TMEM30B: variants seen among roughly 807,000 people sequenced by gnomAD.
The protein encoded by TMEM30B is cell cycle control protein 50B.
In TMEM30B, 25 loss-of-function variants were observed where a neutral mutation model predicts 27.9. The observed-to-expected ratio is 0.89, with a 90% CI of 0.65 to 1.25. The LOEUF (loss-of-function observed/expected upper bound fraction) is 1.25, where lower values mean the gene tolerates loss of function less well. TMEM30B is among the 50% of genes most tolerant of loss of function. The pLI, the probability that TMEM30B is intolerant of heterozygous loss-of-function variation, is 0.00. For synonymous variants in TMEM30B, 248 were observed against 238.5 expected (o/e 1.04, Z -0.37); for missense variants, 536 against 506.5 (o/e 1.06, Z -0.56).
rs2045220514 is a variant in TMEM30B, at chr14:61,278,061, A to T, written c.*2031T>A. On this transcript the variant is annotated 3_prime_UTR_variant, in exon 1 of 1. Transcript: ENST00000555868. Reference sequence around the variant, plus strand: ...GAACCATATTCGTTAATTTAACCAGAATCAGAATACTTTAACTTTCATAGT... The same window carrying T: ...GAACCATATTCGTTAATTTAACCAGTATCAGAATACTTTAACTTTCATAGT... 1 of 152,224 alleles carries T rather than the reference A, an allele frequency of 6.6e-6. No homozygotes were observed. The highest frequency in any genetic ancestry group is 1.5e-5 in the Non-Finnish European group (1 of 68,038). 9.4% of individuals were successfully genotyped at this position (152,224 alleles called of 1,614,324 possible).
At position 61,280,470 on chromosome 14, in the gene TMEM30B, C is replaced by A. The variant is rs199714764; in HGVS notation, c.678G>T (p.Pro226=). 3 of 1,613,356 alleles carry A rather than the reference C, an allele frequency of 1.9e-6. No individual in the cohort carries two copies. The highest frequency in any genetic ancestry group is 1.7e-5 in the Admixed American group (1 of 59,988). The change falls in exon 1 of 1, where the codon CCG becomes CCT. Residue 226 remains proline, a synonymous_variant. Coordinates refer to ENST00000555868, the MANE Select transcript of TMEM30B (RefSeq NM_001017970.3). This position sits in a 1 kb window ranked among gnomAD's most constrained non-coding sequence, Gnocchi z 5.0. ...LALAFQGTAP[P]PNWRRPVYEL... is the part of the protein sequence containing the mutation. Reference sequence around the variant, plus strand: ...CGTAGACTGGCCGGCGCCAGTTGGGCGGGGGCGCCGTGCCCTGGAAGGCCA... The same window carrying A: ...CGTAGACTGGCCGGCGCCAGTTGGGAGGGGGCGCCGTGCCCTGGAAGGCCA...
rs1484468024 is a variant in TMEM30B at position 61,277,803 on chromosome 14, G to A, written c.*2289C>T. On this transcript the variant is annotated 3_prime_UTR_variant, in exon 1 of 1. Coordinates refer to ENST00000555868, the MANE Select transcript of TMEM30B (RefSeq NM_001017970.3). ...TTATATACACGTTGAGGTTGATAAAGTTCAAATTCTGTTTTAGGAAGTTAA... is the reference window on the plus strand; with the variant it reads ...TTATATACACGTTGAGGTTGATAAAATTCAAATTCTGTTTTAGGAAGTTAA... The A allele has an allele frequency of 6.6e-6, 1 of 152,126 alleles. No homozygotes were observed. The allele number at this position is 152,126 out of a possible 1,614,324, so 9.4% of individuals were successfully genotyped here.
chr14:61,280,547 C>T lies in TMEM30B; in HGVS notation c.601G>A (p.Asp201Asn), dbSNP rs2045249781. 2 of 1,611,346 alleles carry T rather than the reference C, an allele frequency of 1.2e-6. No individual in the cohort carries two copies. Among genetic ancestry groups the T allele is most frequent in the East Asian group, 2.2e-5 (1 of 44,822 alleles). ...GGGTTGCGGAACTTGACGTGGTAGT[C>T]GGTCCACCAGGCGATGCCGGAGCGG... ...LDRSGIAWWT[D>N]YHVKFRNPPL... Residue 201 changes from aspartate (D) to asparagine (N), a missense_variant, in exon 1 of 1, where the codon GAC (aspartate) becomes AAC (asparagine). Transcript: ENST00000555868. This position sits in a 1 kb window ranked among gnomAD's most constrained non-coding sequence, Gnocchi z 5.0.
rs2045244361 is a variant in TMEM30B at position 61,280,199 on chromosome 14, G to A, written c.949C>T (p.Leu317=). Residue 317 remains leucine, a synonymous_variant, in exon 1 of 1, where the codon CTG becomes TTG. Coordinates refer to ENST00000555868, the MANE Select transcript of TMEM30B (RefSeq NM_001017970.3). This position sits in a 1 kb window ranked among gnomAD's most constrained non-coding sequence, Gnocchi z 5.0. ...CCGACGACCAGGTAGGCGATGCCCA[G>A]GAAGGGGTTCTTGCCACCCATCCAC... The part of the protein sequence containing the change: ...ISWMGGKNPF[L]GIAYLVVGSL... The A allele has an allele frequency of 6.2e-7, 1 of 1,613,872 alleles. No individual in the cohort carries two copies. Among genetic ancestry groups the A allele is most frequent in the Non-Finnish European group, 8.5e-7 (1 of 1,179,932 alleles).
At position 61,280,473 on chromosome 14, in the gene TMEM30B, G is replaced by C; in HGVS notation, c.675C>G (p.Pro225=). ...AGACTGGCCGGCGCCAGTTGGGCGGGGGCGCCGTGCCCTGGAAGGCCAACG... is the reference window on the plus strand; with the variant it reads ...AGACTGGCCGGCGCCAGTTGGGCGGCGGCGCCGTGCCCTGGAAGGCCAACG... ...SLALAFQGTA[P]PPNWRRPVYE... is the part of the protein sequence containing the mutation. Residue 225 remains proline (P), a synonymous_variant, in exon 1 of 1, where the codon CCC becomes CCG. Transcript: ENST00000555868. The surrounding 1 kb of genome is among the most constrained non-coding windows in gnomAD (Gnocchi z 5.0). 3 of 1,613,340 alleles carry C rather than the reference G, an allele frequency of 1.9e-6. No homozygotes were observed. The highest frequency in any genetic ancestry group is 2.5e-6 in the Non-Finnish European group (3 of 1,179,708).
In TMEM30B at chr14:61,278,868, C is replaced by A. The variant is rs2045227502; in HGVS notation, c.*1224G>T. 6.6e-6 allele frequency: 1 copy of A among 151,906 alleles called. No homozygotes were observed. The highest frequency in any genetic ancestry group is 6.6e-5 in the Admixed American group (1 of 15,256). The allele number at this position is 151,906 out of a possible 1,614,324, so 9.4% of individuals were successfully genotyped here. On this transcript the variant is annotated 3_prime_UTR_variant, in exon 1 of 1. Coordinates refer to ENST00000555868, the MANE Select transcript of TMEM30B (RefSeq NM_001017970.3). ...ACATATAAGACTATATATGCTTTAA[C>A]ATTGATTCAAATATGATTACTAGAA...
In TMEM30B at chr14:61,278,506, A is replaced by G. The variant is rs1388044790; in HGVS notation, c.*1586T>C. On this transcript the variant is annotated 3_prime_UTR_variant, in exon 1 of 1. Coordinates refer to ENST00000555868, the MANE Select transcript of TMEM30B (RefSeq NM_001017970.3). ...ATAAACTATGTAAACTATTCAATAC[A>G]ATTCAATATTACTTAACTGCTAAAA... 1 of 152,226 alleles carries G rather than the reference A, an allele frequency of 6.6e-6. No individual in the cohort carries two copies. Among genetic ancestry groups the G allele is most frequent in the Non-Finnish European group, 1.5e-5 (1 of 68,030 alleles). 9.4% of individuals were successfully genotyped at this position (152,226 alleles called of 1,614,324 possible).
chr14:61,279,985 G>T lies in TMEM30B; in HGVS notation c.*107C>A, dbSNP rs143113636. 9.5e-3 allele frequency: 9,389 copies of T among 986,154 alleles called. 72 individuals are homozygous for T. Among genetic ancestry groups the T allele is most frequent in the Non-Finnish European group, 0.012 (8,400 of 675,546 alleles). 61.1% of individuals were successfully genotyped at this position (986,154 alleles called of 1,614,324 possible). On this transcript the variant is annotated 3_prime_UTR_variant, in exon 1 of 1. Transcript: ENST00000555868. ...TCTGGTCCCCTCATTCACAAAGGGA[G>T]GAAAAGCTAGGCGAGGTTGGAATTG...
Position 61,280,021 on chromosome 14 carries a change from G to T in TMEM30B, c.*71C>A. On this transcript the variant is annotated 3_prime_UTR_variant, in exon 1 of 1. Transcript: ENST00000555868. This position sits in a 1 kb window ranked among gnomAD's most constrained non-coding sequence, Gnocchi z 5.0. ...GCGAGGTTGGAATTGGGTGACGGGCGAGGAGGAGATGCCAAAAGCACCTTG... is the reference window on the plus strand; with the variant it reads ...GCGAGGTTGGAATTGGGTGACGGGCTAGGAGGAGATGCCAAAAGCACCTTG... 7.4e-7 allele frequency: 1 copy of T among 1,346,314 alleles called. No individual in the cohort carries two copies. Among genetic ancestry groups the T allele is most frequent in the South Asian group, 1.5e-5 (1 of 67,784 alleles). 83.4% of individuals were successfully genotyped at this position (1,346,314 alleles called of 1,614,324 possible).
rs1209316645 is a variant in TMEM30B at position 61,280,344 on chromosome 14, G to A, written c.804C>T (p.Arg268=). 4 of 1,613,944 alleles carry A rather than the reference G, an allele frequency of 2.5e-6. No individual in the cohort carries two copies. The East Asian group carries it at 6.7e-5, about 27-fold the overall frequency. Residue 268 remains arginine, a synonymous_variant, in exon 1 of 1, where the codon CGC becomes CGT. Transcript: ENST00000555868. This position sits in a 1 kb window ranked among gnomAD's most constrained non-coding sequence, Gnocchi z 5.0. ...ALPTFRKLYA[R]IRQGNYSAGL... is the part of the protein sequence containing the mutation. ...CGGCCGAGTAGTTGCCCTGGCGGAT[G>A]CGCGCGTACAGTTTGCGGAACGTGG...
chr14:61,281,336 A>C lies in TMEM30B; in HGVS notation c.-189T>G. ...GAGTTTAGTTCCAGGCCCTACGAGC[A>C]GTGCCCACACCCTCCCAGTTCCGCC... On this transcript the variant is annotated 5_prime_UTR_variant, in exon 1 of 1. Coordinates refer to ENST00000555868, the MANE Select transcript of TMEM30B (RefSeq NM_001017970.3). 2.7e-6 allele frequency: 1 copy of C among 370,600 alleles called. No homozygotes were observed. Among genetic ancestry groups the C allele is most frequent in the Non-Finnish European group, 5.0e-6 (1 of 200,798 alleles). 23.0% of individuals were successfully genotyped at this position (370,600 alleles called of 1,614,324 possible).
Position 61,279,935 on chromosome 14 carries a change from A to T in TMEM30B, c.*157T>A, listed in dbSNP as rs955583431. On this transcript the variant is annotated 3_prime_UTR_variant, in exon 1 of 1. Coordinates refer to ENST00000555868, the MANE Select transcript of TMEM30B (RefSeq NM_001017970.3). ...CGGCAAGACAGTCTAGCAGCCCCCC[A>T]AGAGCAAGGGGGGTAATTCCCTTAT... 1.0e-4 allele frequency: 68 copies of T among 663,952 alleles called. No homozygotes were observed. The highest frequency in any genetic ancestry group is 1.5e-5 in the Non-Finnish European group (6 of 394,194). The allele number at this position is 663,952 out of a possible 1,614,324, so 41.1% of individuals were successfully genotyped here. A position where few individuals can be genotyped will look rare whatever the true frequency, so the allele number is the denominator to read the frequency against.
chr14:61,281,055 C>T lies in TMEM30B; in HGVS notation c.93G>A (p.Ser31=). 1 of 1,521,796 alleles carries T rather than the reference C, an allele frequency of 6.6e-7. No homozygotes were observed. Among genetic ancestry groups the T allele is most frequent in the Non-Finnish European group, 8.8e-7 (1 of 1,138,136 alleles). The allele number at this position is 1,521,796 out of a possible 1,614,324, so 94.3% of individuals were successfully genotyped here. A position where few individuals can be genotyped will look rare whatever the true frequency, so the allele number is the denominator to read the frequency against. ...AGAAGAGCGGCAGCGCGATGCTGGC[C>T]GACAGCAGCGGCTGCCAGGCGGGGA... is the stretch of plus-strand genomic sequence containing the variant. The part of the protein sequence containing the change: ...QRLPAWQPLL[S]ASIALPLFFC... Residue 31 remains serine, a synonymous_variant, in exon 1 of 1, where the codon TCG becomes TCA. Coordinates refer to ENST00000555868, the MANE Select transcript of TMEM30B (RefSeq NM_001017970.3).
At position 61,281,086 on chromosome 14, in the gene TMEM30B, T is replaced by G; in HGVS notation, c.62A>C (p.Gln21Pro). Residue 21 changes from glutamine to proline, a missense_variant, in exon 1 of 1, where the codon CAG becomes CCG. Physicochemically the swap from Gln to Pro is moderately conservative, Grantham distance 76. Transcript: ENST00000555868. ...CAGCGGCTGCCAGGCGGGGAGGCGC[T>G]GCTGAGTGAAGGCGGTGTTGTCGGG... ...HQPDNTAFTQ[Q>P]RLPAWQPLLS... 4 of 1,510,980 alleles carry G rather than the reference T, an allele frequency of 2.6e-6. No homozygotes were observed. The highest frequency in any genetic ancestry group is 3.5e-6 in the Non-Finnish European group (4 of 1,133,828). 93.6% of individuals were successfully genotyped at this position (1,510,980 alleles called of 1,614,324 possible).
Position 61,280,273 on chromosome 14 carries a change from G to A in TMEM30B, c.875C>T (p.Pro292Leu). ...CTTGTGGCCGCCGAACGCGCGCACC[G>A]GGTAGTTGTAGGTGATGTTGACGCG... ...AYRVNITYNY[P>L]VRAFGGHKLL... is the part of the protein sequence containing the mutation. Residue 292 changes from proline (P) to leucine (L), a missense_variant, in exon 1 of 1, where the codon CCG (proline) becomes CTG (leucine). By Grantham distance (98) the Pro-to-Leu change is moderately conservative. Coordinates refer to ENST00000555868, the MANE Select transcript of TMEM30B (RefSeq NM_001017970.3). This position sits in a 1 kb window ranked among gnomAD's most constrained non-coding sequence, Gnocchi z 5.0. 2 of 1,614,078 alleles carry A rather than the reference G, an allele frequency of 1.2e-6. No homozygotes were observed. The highest frequency in any genetic ancestry group is 8.5e-7 in the Non-Finnish European group (1 of 1,179,996).
Position 61,280,315 on chromosome 14 carries a change from A to C in TMEM30B, c.833T>G (p.Leu278Arg), listed in dbSNP as rs553531727. The change falls in exon 1 of 1, where the codon CTG (leucine) becomes CGG (arginine). Residue 278 changes from leucine (L) to arginine (R), a missense_variant. Physicochemically the swap from Leu to Arg is moderately radical, Grantham distance 102 (BLOSUM62 -2). Coordinates refer to ENST00000555868, the MANE Select transcript of TMEM30B (RefSeq NM_001017970.3). The surrounding 1 kb of genome is among the most constrained non-coding windows in gnomAD (Gnocchi z 5.0). ...GTTGACGCGGTAGGCGCCCCGCGGC[A>C]GCCCGGCCGAGTAGTTGCCCTGGCG... ...RIRQGNYSAG[L>R]PRGAYRVNIT... The C allele has an allele frequency of 3.1e-6, 5 of 1,613,880 alleles. No homozygotes were observed. Among genetic ancestry groups the C allele is most frequent in the Non-Finnish European group, 2.5e-6 (3 of 1,179,956 alleles).
In TMEM30B at chr14:61,280,375, G is replaced by A. The variant is rs749903965; in HGVS notation, c.773C>T (p.Ala258Val). 5 of 1,613,890 alleles carry A rather than the reference G, an allele frequency of 3.1e-6. No individual in the cohort carries two copies. In the Admixed American group the frequency reaches 5.0e-5, roughly 16 times the overall value. ...QDFVVWMRTA[A>V]LPTFRKLYAR... The stretch of plus-strand genomic sequence containing the variant: ...GTACAGTTTGCGGAACGTGGGCAGC[G>A]CCGCCGTGCGCATCCACACCACGAA... Residue 258 changes from alanine to valine, a missense_variant, in exon 1 of 1, where the codon GCG becomes GTG. Transcript: ENST00000555868. This position sits in a 1 kb window ranked among gnomAD's most constrained non-coding sequence, Gnocchi z 5.0.
rs777966876 is a variant in TMEM30B at position 61,281,026 on chromosome 14, CAGA to C, written c.119_121del (p.Phe40del). On this transcript the variant is annotated inframe_deletion, in exon 1 of 1. Transcript: ENST00000555868. ...CAGGCCGATGAAGGCCAGGCCCGCG[CAGA>C]AGAAGAGCGGCAGCGCGATGCTGGC... 131 of 1,533,610 alleles carry C rather than the reference CAGA, an allele frequency of 8.5e-5. No homozygotes were observed. Among genetic ancestry groups the C allele is most frequent in the Middle Eastern group, 5.1e-4 (3 of 5,924 alleles).
At position 61,279,008 on chromosome 14, in the gene TMEM30B, C is replaced by CACACACACAA. The variant is rs2045230358; in HGVS notation, c.*1083_*1084insTTGTGTGTGT. 6.7e-6 allele frequency: 1 copy of CACACACACAA among 148,256 alleles called. No homozygotes were observed. The highest frequency in any genetic ancestry group is 1.5e-5 in the Non-Finnish European group (1 of 67,252). The allele number at this position is 148,256 out of a possible 1,614,324, so 9.2% of individuals were successfully genotyped here. A position where few individuals can be genotyped will look rare whatever the true frequency, so the allele number is the denominator to read the frequency against. On this transcript the variant is annotated 3_prime_UTR_variant, in exon 1 of 1. Coordinates refer to ENST00000555868, the MANE Select transcript of TMEM30B (RefSeq NM_001017970.3). Reference sequence around the variant, plus strand: ...ACACACACACACACACACACACACACACACAATGACAAAGAACACTGAGCT... The same window carrying CACACACACAA: ...ACACACACACACACACACACACACACACACACACAAACACAATGACAAAGAACACTGAGCT...
Sources: gnomAD v4.1 joint callset for allele counts on GRCh38, gnomAD v4.1.1 for gene constraint, Gnocchi (gnomAD v3.1) non-coding constraint, MANE v1.5 for transcripts, NCBI Gene and HGNC (gene_info 2026-07-23, HGNC 2026-07-21) for gene names.